Variants in WDR49 observed in about 807,000 individuals in gnomAD.
WDR49 encodes the protein cilia- and flagella-associated protein 337.
A neutral mutation model predicts 119.5 loss-of-function variants in WDR49; 107 were observed. The observed-to-expected ratio is 0.90, with a 90% confidence interval of 0.77 to 1.05. WDR49 has a LOEUF of 1.05. WDR49 is among the 50% of genes least tolerant of loss of function. The pLI, the probability that WDR49 is intolerant of heterozygous loss-of-function variation, is 0.00. For missense variants in WDR49, 1,240 were observed against 1,220.5 expected, an observed-to-expected ratio of 1.02 and a Z score of -0.24; for synonymous variants, 425 against 418.8, an observed-to-expected ratio of 1.01 and a Z score of -0.18.
Position 167,490,395 on chromosome 3 carries a change from T to G in WDR49, c.3031+9758A>C, listed in dbSNP as rs550076813. Among the ~76,000 whole-genome samples, 5 of 152,260 alleles carry G rather than the reference T, an allele frequency of 3.3e-5. No individual in the cohort carries two copies. The South Asian group carries it at 6.2e-4, about 19-fold the overall frequency. The stretch of plus-strand genomic sequence containing the variant: ...GGATTTCTACTTTTTAAAATGCCCC[T>G]GAGTTTTCTGTTCATTCTGGATGTT... On this transcript the variant is annotated intron_variant, in intron 18 of 18. Transcript: ENST00000682715.
chr3:167,543,123 A>G (rs1358792502), intron 10 of WDR49, among the ~76,000 whole-genome samples: 1 of 151,984 alleles, frequency 6.6e-6, no homozygotes, highest in Non-Finnish European at 1.5e-5. Flanking sequence ...CAGACCAATA[A>G]CAAGTAGTGA....
intron 5 of WDR49, among the ~76,000 whole-genome samples, chr3:167,609,521 C>T (rs895191144): frequency 6.6e-6 from 1 of 152,158 alleles, no homozygotes; most frequent in African/African-American, 2.4e-5. Flanking sequence ...ATCGCCCAGC[C>T]CAGAGGTCTG....
chr3:167,494,760 T>C (rs1379313552), intron 18 of WDR49, among the ~76,000 whole-genome samples: 1 of 152,196 alleles, frequency 6.6e-6, no homozygotes, highest in South Asian at 2.1e-4. Flanking sequence ...TGTCACAGCT[T>C]TGGCCAGTCT....
intron 3 of WDR49, among the ~76,000 whole-genome samples, chr3:167,626,182 A>G (rs1431031980): frequency 6.6e-6 from 1 of 152,032 alleles, no homozygotes; most frequent in Non-Finnish European, 1.5e-5. Context: ...AGATAAAATA[A>G]TATGATGTTT....
At chr3:167,636,185 A>T (rs564543298) in intron 2 of WDR49, among the ~76,000 whole-genome samples, 5 of 151,744 alleles carry the variant, frequency 3.3e-5, no homozygotes, top group African/African-American at 9.6e-5. Flanking sequence ...CTCATAACTT[A>T]GCTTCCACTT....
rs776544436 is a variant in WDR49 at position 167,531,254 on chromosome 3, A to G, written c.2079T>C (p.Ser693=). The change falls in exon 13 of 19, where the codon AGT becomes AGC. Residue 693 remains serine (S), a synonymous_variant. Transcript: ENST00000682715. ...GGTGGGAGGGTTGGCTTCTCCCAGC[A>G]CTGAGAAGTTTTTGAGGTTTTGTAT... ...KLDTKPQKLL[S]AGRSQPSHPM... The G allele has an allele frequency of 3.1e-6, 5 of 1,611,294 alleles. 1 individual carries two copies. The East Asian group carries it at 6.7e-5, about 22-fold the overall frequency.
chr3:167,624,660 A>G (rs971026199), intron 3 of WDR49, among the ~76,000 whole-genome samples: 2 of 152,102 alleles, frequency 1.3e-5, no homozygotes, highest in Non-Finnish European at 2.9e-5. Context: ...GAAAAAAGCA[A>G]CATTCTTTAA....
At chr3:167,572,661 CAAA>C (rs1714004086) in intron 8 of WDR49, among the ~76,000 whole-genome samples, 1 of 152,056 alleles carries the variant, frequency 6.6e-6, no homozygotes, top group Non-Finnish European at 1.5e-5. Flanking sequence ...AAAAATGGAA[CAAA>C]AGGATCTTCC....
rs1717159855 is a variant in WDR49 at position 167,626,990 on chromosome 3, CA to C, written c.467del (p.Leu156ArgfsTer16). 7.5e-7 allele frequency: 1 copy of C among 1,336,532 alleles called. No homozygotes were observed. The highest frequency in any genetic ancestry group is 1.5e-5 in the African/African-American group (1 of 66,948). 82.8% of individuals were successfully genotyped at this position (1,336,532 alleles called of 1,614,324 possible). A position where few individuals can be genotyped will look rare whatever the true frequency, so the allele number is the denominator to read the frequency against. On this transcript the variant is annotated frameshift_variant, in exon 3 of 19. Coordinates refer to ENST00000682715, the MANE Select transcript of WDR49 (RefSeq NM_001366157.1). LOFTEE classifies it high-confidence loss of function. ...CCAATAAACCTTCTTTACTAATTGT[CA>C]GATAATGACTTGAATTTTTTAAGAA... ...VIFLKNSSHY[L>X]TISKEGLLAI...
intron 18 of WDR49, among the ~76,000 whole-genome samples, chr3:167,492,353 T>G (rs780300610): frequency 6.6e-6 from 1 of 152,098 alleles, no homozygotes; most frequent in African/African-American, 2.4e-5. Context: ...TTTGAAATAT[T>G]AATAGCATAA....
At chr3:167,559,104 C>T (rs186001650) in intron 9 of WDR49, among the ~76,000 whole-genome samples, 14 of 152,230 alleles carry the variant, frequency 9.2e-5, no homozygotes, top group African/African-American at 3.4e-4. Flanking sequence ...CCTTTTCAAC[C>T]CACAATAGCA....
intron 9 of WDR49, 102 bp from the exon 10 acceptor site, chr3:167,554,900 C>A: frequency 2.3e-6 from 2 of 851,458 alleles, no homozygotes; most frequent in South Asian, 3.9e-5. Flanking sequence ...TAAAGAAAAT[C>A]AACTCATCAT....
At chr3:167,615,127 AAAAGGCATTC>A in intron 5 of WDR49, among the ~76,000 whole-genome samples, 1 of 152,354 alleles carries the variant, frequency 6.6e-6, no homozygotes, top group South Asian at 2.1e-4. Flanking sequence ...TAAATCTAAG[AAAAGGCATTC>A]TTTCATTGGT....
At chr3:167,557,002 G>C (rs772845340) in intron 9 of WDR49, among the ~76,000 whole-genome samples, 1 of 152,210 alleles carries the variant, frequency 6.6e-6, no homozygotes. Flanking sequence ...TCTAGCCTGA[G>C]TGACAGAGTG....
At chr3:167,500,399 A>AT (rs1751517225) in intron 17 of WDR49, 100 bp from the exon 18 acceptor site, 2 of 1,432,478 alleles carry the variant, frequency 1.4e-6, no homozygotes, top group South Asian at 2.6e-5. Flanking sequence ...AACTTTTATA[A>AT]ATTTAACCTT....
At chr3:167,639,199 C>T (rs1029467798) in intron 2 of WDR49, among the ~76,000 whole-genome samples, 1 of 151,686 alleles carries the variant, frequency 6.6e-6, no homozygotes, top group Non-Finnish European at 1.5e-5. Flanking sequence ...TGTAGCAATA[C>T]AAATATATAC....
At chr3:167,481,979 TC>T (rs1750732078) in intron 18 of WDR49, among the ~76,000 whole-genome samples, 2 of 152,142 alleles carry the variant, frequency 1.3e-5, no homozygotes, top group Admixed American at 1.3e-4. Context: ...TTTAAAGGCA[TC>T]ATTTAATAAA....
chr3:167,542,245 C>G (rs1356992413), intron 10 of WDR49, among the ~76,000 whole-genome samples: 1 of 152,038 alleles, frequency 6.6e-6, no homozygotes, highest in East Asian at 1.9e-4. Context: ...AGAAAGTCAA[C>G]AAAGAAACAA....
intron 7 of WDR49, among the ~76,000 whole-genome samples, chr3:167,591,620 C>A (rs998889944): frequency 7.9e-5 from 12 of 152,098 alleles, no homozygotes; most frequent in African/African-American, 2.7e-4. Flanking sequence ...TTGTTATATT[C>A]TCTTGCTGAA....
Sources: allele counts gnomAD v4.1 joint callset (sites outside exome capture counted in the v4.1 genomes callset), GRCh38; gene constraint gnomAD v4.1.1; transcripts MANE v1.5; gene names NCBI Gene and HGNC (gene_info 2026-07-23, HGNC 2026-07-21).